Variants in SPG11 observed in about 807,000 individuals in gnomAD.
SPG11 encodes the protein SPG11 vesicle trafficking associated, spatacsin.
In SPG11, 222 loss-of-function variants were observed where a neutral mutation model predicts 274.0. That is an observed-to-expected ratio of 0.81 (90% CI 0.73 to 0.91). The LOEUF (loss-of-function observed/expected upper bound fraction) is 0.91. Ranked by LOEUF, SPG11 falls within the 40% of genes least tolerant of loss-of-function variation. The probability of loss-of-function intolerance (pLI) is 0.00; values close to 1 mark genes in which losing one functional copy is unlikely to be tolerated. For missense variants in SPG11, 3,114 were observed against 2,872.7 expected, an observed-to-expected ratio of 1.08 and a Z score of -1.92; for synonymous variants, 1,144 against 1,039.7, an observed-to-expected ratio of 1.10 and a Z score of -1.93.
Position 44,600,551 on chromosome 15 carries a change from T to G in SPG11, c.3602A>C (p.Tyr1201Ser). ...TGATGGCCGCCCATTATGTAAATAA[T>G]AAGCAAAATTCAGACGTTCCACTAT... ...YAIVERLNFA[Y>S]YLHNGRPSFA... is the part of the protein sequence containing the mutation. The change falls in exon 21 of 40, where the codon TAT becomes TCT. Residue 1201 changes from tyrosine (Y) to serine (S), a missense_variant. Physicochemically the swap from Tyr to Ser is moderately radical, Grantham distance 144. Coordinates refer to ENST00000261866, the MANE Select transcript of SPG11 (RefSeq NM_025137.4). 6.2e-7 allele frequency: 1 copy of G among 1,614,172 alleles called. No individual in the cohort carries two copies. Among genetic ancestry groups the G allele is most frequent in the Non-Finnish European group, 8.5e-7 (1 of 1,180,016 alleles).
At chr15:44,649,153 G>A (rs2084689770) in intron 6 of SPG11, 142 bp from the exon 7 acceptor site, 5 of 716,040 alleles carry the variant, frequency 7.0e-6, no homozygotes, top group Middle Eastern at 7.9e-4. Flanking sequence ...GTACTATAAT[G>A]ATCTTAACTC....
At chr15:44,618,516 CAAA>C (rs1243300533) in intron 15 of SPG11, among the ~76,000 whole-genome samples, 4 of 35,368 alleles carry the variant, frequency 1.1e-4, no homozygotes, top group East Asian at 8.4e-4. Context: ...GACTCCATCT[CAAA>C]AAAAAAAAAA....
intron 8 of SPG11, among the ~76,000 whole-genome samples, chr15:44,632,204 T>C (rs1349365824): frequency 6.6e-6 from 1 of 152,110 alleles, no homozygotes; most frequent in Non-Finnish European, 1.5e-5. Flanking sequence ...ATTGGCTCTC[T>C]CCTAATTTCT....
At chr15:44,579,971 A>C (rs187849860) in intron 30 of SPG11, among the ~76,000 whole-genome samples, 6 of 152,226 alleles carry the variant, frequency 3.9e-5, no homozygotes, top group African/African-American at 1.4e-4. Flanking sequence ...CAGTAATGTA[A>C]TGTCCTAAGT....
At chr15:44,651,293 A>C (rs1214624267) in intron 6 of SPG11, among the ~76,000 whole-genome samples, 198 bp downstream of exon 6, 2 of 152,222 alleles carry the variant, frequency 1.3e-5, no homozygotes, top group Non-Finnish European at 2.9e-5. Flanking sequence ...TTAGTATCTT[A>C]GCATTTAGCT....
rs747312770 is a variant in SPG11 at position 44,660,444 on chromosome 15, C to A, written c.430G>T (p.Asp144Tyr). Reference protein sequence around the residue: ...SREALQKLIDDQDISISLLSL... With the variant: ...SREALQKLIDYQDISISLLSL... ...TGTAGATACTTACTGATATCTTGAT[C>A]GTCAATGAGCTTTTGCAATGCCTCC... is the stretch of plus-strand genomic sequence containing the variant. The change falls in exon 2 of 40, where the codon GAT (aspartate) becomes TAT (tyrosine). Residue 144 changes from aspartate to tyrosine, a missense_variant. Transcript: ENST00000261866. The A allele has an allele frequency of 3.1e-6, 5 of 1,613,386 alleles. No individual in the cohort carries two copies. In the South Asian group the frequency reaches 5.5e-5, roughly 18 times the overall value.
rs202063105 is a variant in SPG11 at position 44,572,761 on chromosome 15, G to C, written c.6265C>G (p.Leu2089Val). 2 of 1,614,016 alleles carry C rather than the reference G, an allele frequency of 1.2e-6. No individual in the cohort carries two copies. The change falls in exon 33 of 40, where the codon CTG becomes GTG. Residue 2089 changes from leucine to valine, a missense_variant. Transcript: ENST00000261866. ...CCTACCAATGTGCGGTCTTGACACAGAGTGGTCAGCTGAAGAAATGTCTGG... is the reference window on the plus strand; with the variant it reads ...CCTACCAATGTGCGGTCTTGACACACAGTGGTCAGCTGAAGAAATGTCTGG... ...ESQTFLQLTT[L>V]CQDRTLVGMK... is the part of the protein sequence containing the mutation.
intron 29 of SPG11, 28 bp from the exon 30 acceptor site, chr15:44,584,586 GC>G: frequency 6.2e-7 from 1 of 1,601,560 alleles, no homozygotes; most frequent in South Asian, 1.1e-5. Context: ...GCAGATTTTA[GC>G]CTTTCTTGGA....
chr15:44,663,491 C>T lies in SPG11; in HGVS notation c.157G>A (p.Ala53Thr). Residue 53 changes from alanine to threonine, a missense_variant, in exon 1 of 40, where the codon GCT becomes ACT. By Grantham distance (58) the Ala-to-Thr change is moderately conservative. Transcript: ENST00000261866. ...SRAQLRTQPE[A>T]LGSLTAAGSL... ...CCCGCAGCCGTCAGGCTCCCCAGAG[C>T]CTCCGGCTGTGTGCGCAGCTGCGCC... 6.3e-7 allele frequency: 1 copy of T among 1,593,352 alleles called. No homozygotes were observed.
chr15:44,615,502 T>C lies in SPG11; in HGVS notation c.2899A>G (p.Ile967Val). 1 of 1,614,100 alleles carries C rather than the reference T, an allele frequency of 6.2e-7. No individual in the cohort carries two copies. Among genetic ancestry groups the C allele is most frequent in the Non-Finnish European group, 8.5e-7 (1 of 1,179,994 alleles). The change falls in exon 16 of 40, where the codon ATT becomes GTT. Residue 967 changes from isoleucine (I) to valine (V), a missense_variant. Ile to Val is a conservative substitution (Grantham distance 29). Transcript: ENST00000261866. ...FECFLLRLSRIGGVIQDTLPV... is the reference protein window; with the variant it reads ...FECFLLRLSRVGGVIQDTLPV... ...AGGGTATCCTGTATTACACCTCCAA[T>C]ACGGCTCAGTCTTAGGAGGAAGCAT...
intron 8 of SPG11, 138 bp from the exon 9 acceptor site, chr15:44,629,526 C>A: frequency 2.1e-6 from 2 of 935,448 alleles, no homozygotes; most frequent in South Asian, 3.1e-5. Context: ...GCTCACAAAA[C>A]TTTTCTGCAG....
intron 32 of SPG11, among the ~76,000 whole-genome samples, 160 bp from the exon 33 acceptor site, chr15:44,572,980 C>CGTTTTT (rs1256111244): frequency 3.6e-5 from 3 of 83,300 alleles, no homozygotes; most frequent in African/African-American, 1.0e-4. Flanking sequence ...GACAGGAGTT[C>CGTTTTT]TTTTTTTTTT....
chr15:44,642,557 G>A (rs2084485161), intron 7 of SPG11, among the ~76,000 whole-genome samples: 1 of 151,670 alleles, frequency 6.6e-6, no homozygotes, highest in Non-Finnish European at 1.5e-5. Flanking sequence ...AAAATCATGA[G>A]AATGGTTAAA....
chr15:44,620,263 T>C lies in SPG11; in HGVS notation c.2761A>G (p.Thr921Ala). The C allele has an allele frequency of 6.2e-7, 1 of 1,614,150 alleles. No individual in the cohort carries two copies. The highest frequency in any genetic ancestry group is 8.5e-7 in the Non-Finnish European group (1 of 1,180,016). ...SLQQNKWPLL[T>A]VDVINQNTSC... ...GTATTCTGGTTAATAACATCAACAG[T>C]CAGAAGGGGCCATTTGTTCTGCTGA... is the stretch of plus-strand genomic sequence containing the variant. Residue 921 changes from threonine to alanine, a missense_variant, in exon 15 of 40, where the codon ACT becomes GCT. Thr to Ala is a moderately conservative substitution (Grantham distance 58, BLOSUM62 0). Coordinates refer to ENST00000261866, the MANE Select transcript of SPG11 (RefSeq NM_025137.4).
chr15:44,578,019 CT>C (rs1179057683), intron 30 of SPG11, among the ~76,000 whole-genome samples: 5,995 of 117,528 alleles, frequency 0.051, 345 homozygotes, highest in East Asian at 0.15. Flanking sequence ...GCCTTCTTTC[CT>C]TTTTTTTTTT....
rs116251260 is a variant in SPG11 at position 44,651,377 on chromosome 15, T to A, written c.1456+114A>T. 1,407 of 910,406 alleles carry A rather than the reference T, an allele frequency of 1.5e-3. 19 individuals carry two copies. The African/African-American group carries it at 0.021, about 14-fold the overall frequency. 56.4% of individuals were successfully genotyped at this position (910,406 alleles called of 1,614,324 possible). ...CAAGAATAACAAGAAACTTCCTCTA[T>A]AAACAATTACAATACCACTTAAAGG... On this transcript the variant is annotated intron_variant, in intron 6 of 39. Coordinates refer to ENST00000261866, the MANE Select transcript of SPG11 (RefSeq NM_025137.4).
At chr15:44,607,484 G>A (rs2083351498) in intron 19 of SPG11, among the ~76,000 whole-genome samples, 1 of 152,152 alleles carries the variant, frequency 6.6e-6, no homozygotes, top group Admixed American at 6.5e-5. Flanking sequence ...GTTTCACTAT[G>A]TTGGCTAGGT....
At chr15:44,650,525 G>A (rs544456905) in intron 6 of SPG11, among the ~76,000 whole-genome samples, 8 of 151,476 alleles carry the variant, frequency 5.3e-5, no homozygotes, top group East Asian at 2.0e-4. Flanking sequence ...GTGGTGGTGC[G>A]TGCCTGTGGT....
At chr15:44,586,502 C>T (rs894252101) in intron 28 of SPG11, among the ~76,000 whole-genome samples, 11 of 151,716 alleles carry the variant, frequency 7.3e-5, no homozygotes, top group Middle Eastern at 3.2e-3. Context: ...ATTAGCCAGG[C>T]GTGTGGTGGC....
Sources: gnomAD v4.1 joint callset for allele counts (sites outside exome capture counted in the v4.1 genomes callset) on GRCh38, gnomAD v4.1.1 for gene constraint, MANE v1.5 for transcripts, NCBI Gene and HGNC (gene_info 2026-07-23, HGNC 2026-07-21) for gene names.